Variants in HERC1 observed in about 807,000 individuals in gnomAD.
The protein encoded by HERC1 is HECT and RLD domain containing E3 ubiquitin protein ligase family member 1, also known as probable E3 ubiquitin-protein ligase HERC1.
In HERC1, 160 loss-of-function variants were observed where a neutral mutation model predicts 554.3. The ratio of observed to expected loss-of-function variants is 0.29; its 90% CI spans 0.25 to 0.33. The LOEUF (loss-of-function observed/expected upper bound fraction) is 0.33. HERC1 is among the 10% of genes least tolerant of loss of function. The pLI is 1.00. For missense variants in HERC1, 4,919 were observed against 5,918.5 expected (o/e 0.83, Z 5.54); for synonymous variants, 2,175 against 2,131.7 (o/e 1.02, Z -0.56).
Position 63,661,879 on chromosome 15 carries a change from C to T in HERC1, c.9044G>A (p.Gly3015Asp), listed in dbSNP as rs1309517331. The T allele has an allele frequency of 1.9e-6, 3 of 1,613,894 alleles. No individual in the cohort carries two copies. Among genetic ancestry groups the T allele is most frequent in the Non-Finnish European group, 2.5e-6 (3 of 1,179,894 alleles). The change falls in exon 45 of 78, where the codon GGT (glycine) becomes GAT (aspartate). Residue 3015 changes from glycine to aspartate, a missense_variant. Coordinates refer to ENST00000443617, the MANE Select transcript of HERC1 (RefSeq NM_003922.4). ...SANRQGYRSN[G>D]SYVDGWFGGE... The stretch of plus-strand genomic sequence containing the variant: ...GCCAAACCAGCCATCCACATAGGAA[C>T]CATTGCTGCGATAGCCCTGGCGGTT...
At chr15:63,661,687 A>G (rs1595916440) in intron 45 of HERC1, 66 bp downstream of exon 45, 2 of 1,509,952 alleles carry the variant, frequency 1.3e-6, no homozygotes, top group Non-Finnish European at 1.8e-6. Flanking sequence ...AAAAATCTAC[A>G]GTTCCCAAGA....
In HERC1 at chr15:63,660,987, T is replaced by G. The variant is rs942026700; in HGVS notation, c.9209A>C (p.Asp3070Ala). ...AAACAAACTACCTTCATACACACTG[T>G]CTTGCTTGCCAATTAGATCTGGAGC... Reference protein sequence around the residue: ...GQAPDLIGKQDSVYEEDWDML... With the variant: ...GQAPDLIGKQASVYEEDWDML... The change falls in exon 46 of 78, where the codon GAC becomes GCC. Residue 3070 changes from aspartate (D) to alanine (A), a missense_variant. By Grantham distance (126) the Asp-to-Ala change is moderately radical (BLOSUM62 -2). Coordinates refer to ENST00000443617, the MANE Select transcript of HERC1 (RefSeq NM_003922.4). 1 of 1,609,740 alleles carries G rather than the reference T, an allele frequency of 6.2e-7. No homozygotes were observed. The highest frequency in any genetic ancestry group is 1.3e-5 in the African/African-American group (1 of 74,840).
At chr15:63,699,448 G>A (rs932294546) in intron 25 of HERC1, among the ~76,000 whole-genome samples, 1 of 152,166 alleles carries the variant, frequency 6.6e-6, no homozygotes, top group Non-Finnish European at 1.5e-5. Context: ...AGTTAAGACT[G>A]AACAAAGTGT....
At chr15:63,806,141 G>T (rs953491089) in intron 1 of HERC1, among the ~76,000 whole-genome samples, 6 of 151,390 alleles carry the variant, frequency 4.0e-5, no homozygotes, top group African/African-American at 1.2e-4. Context: ...CACCTCTGAT[G>T]AGCATTTCTG....
chr15:63,739,194 A>ATATATTT (rs1567071803), intron 12 of HERC1, among the ~76,000 whole-genome samples: 22 of 50,618 alleles, frequency 4.3e-4, no homozygotes, highest in African/African-American at 1.4e-3. Flanking sequence ...CCACTAATAT[A>ATATATTT]CTTTTTTTTT....
chr15:63,693,959 A>G lies in HERC1; in HGVS notation c.5674+5T>C, dbSNP rs1468274148. ...AGTAAAGACAGAGAAAGAGGCTTACATTACCTCTGAAATCTTTCTTCTCAG... is the reference window on the plus strand; with the variant it reads ...AGTAAAGACAGAGAAAGAGGCTTACGTTACCTCTGAAATCTTTCTTCTCAG... On this transcript the variant is annotated splice_donor_5th_base_variant and intron_variant, in intron 30 of 77. Transcript: ENST00000443617. The G allele has an allele frequency of 6.5e-7, 1 of 1,550,266 alleles. No homozygotes were observed. Among genetic ancestry groups the G allele is most frequent in the South Asian group, 1.2e-5 (1 of 83,776 alleles).
At chr15:63,719,395 C>G (rs953450509) in intron 19 of HERC1, among the ~76,000 whole-genome samples, 5 of 152,170 alleles carry the variant, frequency 3.3e-5, no homozygotes, top group African/African-American at 7.2e-5. Context: ...TGGGGCAAAC[C>G]GTGCATGCAC....
At chr15:63,826,808 A>ATATATATTT (rs1567168491) in intron 1 of HERC1, among the ~76,000 whole-genome samples, 1 of 54,920 alleles carries the variant, frequency 1.8e-5, no homozygotes, top group Non-Finnish European at 3.8e-5. Flanking sequence ...AAAAAAAAAA[A>ATATATATTT]AAAAAAATAT....
Position 63,674,907 on chromosome 15 carries a change from A to G in HERC1, c.7281T>C (p.Asp2427=). 1 of 1,613,964 alleles carries G rather than the reference A, an allele frequency of 6.2e-7. No individual in the cohort carries two copies. Among genetic ancestry groups the G allele is most frequent in the Non-Finnish European group, 8.5e-7 (1 of 1,179,882 alleles). The change falls in exon 38 of 78, where the codon GAT becomes GAC. Residue 2427 remains aspartate, a synonymous_variant. Transcript: ENST00000443617. ...KHRHESEEKG[D]VEQKPESESA... is the part of the protein sequence containing the mutation. ...ATTCACTCTCAGGTTTCTGCTCAAC[A>G]TCCCCTTTCTCCTCGGATTCATGTC...
At chr15:63,743,326 A>G (rs1260965444) in intron 12 of HERC1, among the ~76,000 whole-genome samples, 1 of 145,082 alleles carries the variant, frequency 6.9e-6, no homozygotes, top group Admixed American at 7.2e-5. Context: ...CAGTGGCACA[A>G]TCTGGGCTCA....
chr15:63,692,391 C>T lies in HERC1; in HGVS notation c.5830+20G>A, dbSNP rs780569734. On this transcript the variant is annotated intron_variant, in intron 31 of 77. Transcript: ENST00000443617. This position sits in a 1 kb window ranked among gnomAD's most constrained non-coding sequence, Gnocchi z 4.7. ...AGTAATATCTATAAATACTCTAAGACAAAGGCAAAGGACATGTACCTGAAG... is the reference window on the plus strand; with the variant it reads ...AGTAATATCTATAAATACTCTAAGATAAAGGCAAAGGACATGTACCTGAAG... 1 of 1,571,040 alleles carries T rather than the reference C, an allele frequency of 6.4e-7. No homozygotes were observed. The highest frequency in any genetic ancestry group is 8.6e-7 in the Non-Finnish European group (1 of 1,163,410).
At chr15:63,729,174 G>A (rs1275008517) in intron 16 of HERC1, 62 bp downstream of exon 16, 1 of 1,453,700 alleles carries the variant, frequency 6.9e-7, no homozygotes, top group Admixed American at 2.5e-5. Context: ...TAAGACTTTG[G>A]AAAGCCAAGT....
intron 12 of HERC1, among the ~76,000 whole-genome samples, chr15:63,744,164 G>GTCTCTCTCTCTCTCTCTCTCTCTCTCTC (rs71464534): frequency 2.2e-5 from 1 of 46,222 alleles, no homozygotes; most frequent in African/African-American, 6.7e-5. Flanking sequence ...GTGTGTGTGT[G>GTCTCTCTCTCTCTCTCTCTCTCTCTCTC]TCTCTCTCTC....
chr15:63,638,388 C>G (rs374552441), intron 63 of HERC1, 23 bp downstream of exon 63: 1 of 1,603,318 alleles, frequency 6.2e-7, no homozygotes, highest in East Asian at 2.2e-5. Flanking sequence ...TGTTTCTTTT[C>G]TATTTTTTAT....
At position 63,634,943 on chromosome 15, in the gene HERC1, G is replaced by A. The variant is rs2068714838; in HGVS notation, c.12415-55C>T. On this transcript the variant is annotated intron_variant, in intron 65 of 77. Coordinates refer to ENST00000443617, the MANE Select transcript of HERC1 (RefSeq NM_003922.4). Reference sequence around the variant, plus strand: ...TTTAAGAAGGGAAACTAAGAAAAAAGTAAATCTGCCATTTTTGGTATTAAT... The same window carrying A: ...TTTAAGAAGGGAAACTAAGAAAAAAATAAATCTGCCATTTTTGGTATTAAT... 6 of 1,355,324 alleles carry A rather than the reference G, an allele frequency of 4.4e-6. No individual in the cohort carries two copies. The East Asian group carries it at 1.2e-4, about 27-fold the overall frequency. The allele number at this position is 1,355,324 out of a possible 1,614,324, so 84.0% of individuals were successfully genotyped here.
rs562719614 is a variant in HERC1, at chr15:63,725,143, A to G, written c.3568+149T>C. On this transcript the variant is annotated intron_variant, in intron 18 of 77. Transcript: ENST00000443617. ...GCTGCACGATTTAACCATTTTTCTT[A>G]GGGCTCCAAGTCATAGCCCCAGATT... 8 of 673,302 alleles carry G rather than the reference A, an allele frequency of 1.2e-5. No homozygotes were observed. The Admixed American group carries it at 2.3e-4, about 20-fold the overall frequency. The allele number at this position is 673,302 out of a possible 1,614,324, so 41.7% of individuals were successfully genotyped here.
intron 1 of HERC1, among the ~76,000 whole-genome samples, chr15:63,776,140 G>T (rs945362458): frequency 2.2e-4 from 34 of 152,060 alleles, no homozygotes; most frequent in African/African-American, 7.5e-4. Context: ...GGGTTCTACA[G>T]CTGATGACTC....
rs779833220 is a variant in HERC1, at chr15:63,640,288, T to C, written c.11765A>G (p.Asn3922Ser). 1 of 1,613,896 alleles carries C rather than the reference T, an allele frequency of 6.2e-7. No homozygotes were observed. ...CLPDPASWNPNEWAWLECFST... is the reference protein window; with the variant it reads ...CLPDPASWNPSEWAWLECFST... ...GAAACATTCTAACCAGGCCCATTCA[T>C]TTGGATTCCAGGATGCAGGGTCAGG... Residue 3922 changes from asparagine (N) to serine (S), a missense_variant, in exon 61 of 78, where the codon AAT becomes AGT. Around this residue, in one of 11 missense-constraint regions of HERC1, gnomAD observed 1,963 missense variants for 2,228.6 expected, o/e 0.88. Coordinates refer to ENST00000443617, the MANE Select transcript of HERC1 (RefSeq NM_003922.4).
chr15:63,705,838 TGGGC>T (rs1428744324), intron 25 of HERC1, among the ~76,000 whole-genome samples: 9 of 151,954 alleles, frequency 5.9e-5, no homozygotes, highest in Admixed American at 5.2e-4. Context: ...AAGACCAGCC[TGGGC>T]AAATAGGGAG....
Sources: gnomAD v4.1 joint callset for allele counts (sites outside exome capture counted in the v4.1 genomes callset) on GRCh38, gnomAD v4.1.1 for gene constraint, gnomAD v4.1.1 regional missense constraint, Gnocchi (gnomAD v3.1) non-coding constraint, MANE v1.5 for transcripts, NCBI Gene and HGNC (gene_info 2026-07-23, HGNC 2026-07-21) for gene names.